Variants in FAT3 observed in about 807,000 individuals in gnomAD.
The protein encoded by FAT3 is protocadherin Fat 3.
FAT3 carries 95 observed loss-of-function variants against 310.2 expected under a neutral mutation model. That is an observed-to-expected ratio of 0.31 (90% CI 0.26 to 0.36). FAT3 has a LOEUF of 0.36. Ranked by LOEUF, FAT3 falls within the 10% of genes least tolerant of loss-of-function variation. FAT3 has a pLI of 1.00. For missense variants in FAT3, 5,408 were observed against 5,715.6 expected (o/e 0.95, Z 1.74); for synonymous variants, 2,314 against 2,192.9 (o/e 1.06, Z -1.54).
chr11:92,692,271 T>C lies in FAT3; in HGVS notation c.3608-5113T>C, dbSNP rs115341684. On this transcript the variant is annotated intron_variant, in intron 3 of 27. Coordinates refer to ENST00000525166, the MANE Select transcript of FAT3 (RefSeq NM_001367949.2). ...GGCCACTCTGTATAATAAAATAACA[T>C]TGAGAGTTCTGGAAGACTACATCCA... is the stretch of plus-strand genomic sequence containing the variant. 7.4e-3 allele frequency among the ~76,000 whole-genome samples: 1,124 copies of C among 152,250 alleles called. 13 individuals carry two copies. The highest frequency in any genetic ancestry group is 0.026 in the African/African-American group (1,067 of 41,552).
At chr11:92,363,371 T>C (rs1948927980) in intron 2 of FAT3, among the ~76,000 whole-genome samples, 1 of 152,190 alleles carries the variant, frequency 6.6e-6, no homozygotes, top group African/African-American at 2.4e-5. Flanking sequence ...TCAGCCCAGA[T>C]ATTTAAAAGG....
At chr11:92,767,364 AT>A (rs35675404) in intron 6 of FAT3, among the ~76,000 whole-genome samples, 1 of 151,618 alleles carries the variant, frequency 6.6e-6, no homozygotes, top group Non-Finnish European at 1.5e-5. Context: ...TCAGCCACTG[AT>A]TTTTCTCCCT....
chr11:92,706,456 TCTC>T (rs1944356612), intron 4 of FAT3, among the ~76,000 whole-genome samples: 1 of 151,984 alleles, frequency 6.6e-6, no homozygotes, highest in South Asian at 2.1e-4. Context: ...ACCTGCCCCT[TCTC>T]CTAAAAAGGC....
At chr11:92,839,162 T>C (rs900758042) in intron 17 of FAT3, among the ~76,000 whole-genome samples, 1 of 152,188 alleles carries the variant, frequency 6.6e-6, no homozygotes, top group African/African-American at 2.4e-5. Context: ...CTTGACAGAC[T>C]GTTTTCAAAT....
At chr11:92,336,308 G>A (rs1206493687) in intron 1 of FAT3, 1 of 465,902 alleles carries the variant, frequency 2.1e-6, no homozygotes, top group Admixed American at 2.5e-5. Context: ...AGAAGTTTTT[G>A]TCCTCAGGAT....
chr11:92,830,502 T>C (rs1273740211), intron 13 of FAT3, among the ~76,000 whole-genome samples: 1 of 152,178 alleles, frequency 6.6e-6, no homozygotes, highest in Non-Finnish European at 1.5e-5. Flanking sequence ...TTTTTCCCTC[T>C]ATAATCCCTT....
chr11:92,812,704 T>C (rs116840465), intron 13 of FAT3, among the ~76,000 whole-genome samples: 2,751 of 152,196 alleles, frequency 0.018, 89 homozygotes, highest in African/African-American at 0.063. Context: ...ACAACAGCAC[T>C]CAGAAGGCCC....
chr11:92,624,258 G>A (rs1441422828), intron 3 of FAT3, among the ~76,000 whole-genome samples: 2 of 152,198 alleles, frequency 1.3e-5, no homozygotes, highest in Non-Finnish European at 2.9e-5. Flanking sequence ...TGAAGAGCAA[G>A]AAGAAAAACA....
intron 1 of FAT3, among the ~76,000 whole-genome samples, chr11:92,257,034 T>C (rs1195720819): frequency 6.6e-6 from 1 of 152,110 alleles, no homozygotes; most frequent in Non-Finnish European, 1.5e-5. Flanking sequence ...TAGAACTCTG[T>C]AACCTGCTCT....
At chr11:92,568,852 G>T (rs541107046) in intron 3 of FAT3, among the ~76,000 whole-genome samples, 1 of 152,246 alleles carries the variant, frequency 6.6e-6, no homozygotes, top group African/African-American at 2.4e-5. Context: ...CTCACAGTGT[G>T]CTCTGACCTC....
chr11:92,633,316 T>A (rs1381080581), intron 3 of FAT3, among the ~76,000 whole-genome samples: 2 of 152,180 alleles, frequency 1.3e-5, no homozygotes, highest in East Asian at 1.9e-4. Flanking sequence ...CTTTTTTTTT[T>A]ATCTGATGGA....
intron 4 of FAT3, among the ~76,000 whole-genome samples, chr11:92,760,806 T>A (rs1946131518): frequency 6.6e-6 from 1 of 152,210 alleles, no homozygotes. Flanking sequence ...GAAAATTATT[T>A]ACACTAGGAT....
chr11:92,747,078 A>G (rs1429838415), intron 4 of FAT3, among the ~76,000 whole-genome samples: 1 of 152,198 alleles, frequency 6.6e-6, no homozygotes, highest in Non-Finnish European at 1.5e-5. Context: ...TCCACTAGGC[A>G]GTGCCCCAGT....
rs1245308682 is a variant in FAT3, at chr11:92,819,804, A to G, written c.9481+9728A>G. Among the ~76,000 whole-genome samples, 3 of 152,318 alleles carry G rather than the reference A, an allele frequency of 2.0e-5. No individual in the cohort carries two copies. The East Asian group carries it at 5.8e-4, about 29-fold the overall frequency. ...AATAATAAGAAAATATCTGATTTATACTGGTTACAAAACCACAGGTGCTGT... is the reference window on the plus strand; with the variant it reads ...AATAATAAGAAAATATCTGATTTATGCTGGTTACAAAACCACAGGTGCTGT... On this transcript the variant is annotated intron_variant, in intron 13 of 27. Transcript: ENST00000525166.
intron 4 of FAT3, among the ~76,000 whole-genome samples, chr11:92,716,755 A>G (rs1944702753): frequency 6.6e-6 from 1 of 152,214 alleles, no homozygotes; most frequent in African/African-American, 2.4e-5. Context: ...CCTAATTGCT[A>G]TGATGTAGAA....
At chr11:92,690,669 A>G (rs1199153823) in intron 3 of FAT3, among the ~76,000 whole-genome samples, 1 of 152,192 alleles carries the variant, frequency 6.6e-6, no homozygotes, top group Non-Finnish European at 1.5e-5. Flanking sequence ...AGGAAATGTG[A>G]TACAACTCTT....
intron 3 of FAT3, among the ~76,000 whole-genome samples, chr11:92,675,653 G>C (rs531547526): frequency 1.3e-5 from 2 of 152,240 alleles, no homozygotes; most frequent in African/African-American, 4.8e-5. Context: ...ACTGTCTTAG[G>C]TTATTTGTCC....
chr11:92,698,136 G>T (rs1166504296), intron 4 of FAT3, among the ~76,000 whole-genome samples: 1 of 152,162 alleles, frequency 6.6e-6, no homozygotes, highest in Non-Finnish European at 1.5e-5. Flanking sequence ...TGAAACAGAT[G>T]ACGATGCTTA....
At chr11:92,539,104 T>C (rs76068385) in intron 3 of FAT3, among the ~76,000 whole-genome samples, 2,126 of 152,294 alleles carry the variant, frequency 0.014, 60 homozygotes, top group African/African-American at 0.048. Flanking sequence ...ATCTTGACTA[T>C]GTACATACTA....
Sources: allele counts gnomAD v4.1 joint callset (sites outside exome capture counted in the v4.1 genomes callset), GRCh38; gene constraint gnomAD v4.1.1; transcripts MANE v1.5; gene names NCBI Gene and HGNC (gene_info 2026-07-23, HGNC 2026-07-21).